Variants in CSGALNACT1 observed in about 807,000 individuals in gnomAD.
The protein encoded by CSGALNACT1 is beta4GalNAcT-1.
In CSGALNACT1, 52 loss-of-function variants were observed where a neutral mutation model predicts 51.0. The ratio of observed to expected loss-of-function variants is 1.02; its 90% confidence interval spans 0.82 to 1.29. The LOEUF (loss-of-function observed/expected upper bound fraction) is 1.29, where lower values mean the gene tolerates loss of function less well. CSGALNACT1 is among the 50% of genes most tolerant of loss of function. The probability of loss-of-function intolerance (pLI) is 0.00; values close to 1 mark genes in which losing one functional copy is unlikely to be tolerated. For missense variants in CSGALNACT1, 935 were observed against 679.2 expected, an observed-to-expected ratio of 1.38 and a Z score of -4.19; for synonymous variants, 341 against 254.4, an observed-to-expected ratio of 1.34 and a Z score of -3.24.
chr8:19,547,916 G>A (rs937045792), intron 3 of CSGALNACT1, among the ~76,000 whole-genome samples: 2 of 152,182 alleles, frequency 1.3e-5, no homozygotes, highest in African/African-American at 2.4e-5. Context: ...TTGCCAGGGG[G>A]TTGGTAGTTA....
intron 3 of CSGALNACT1, among the ~76,000 whole-genome samples, chr8:19,564,862 GCA>G (rs1158837910): frequency 2.6e-5 from 4 of 152,182 alleles, no homozygotes; most frequent in African/African-American, 9.7e-5. Flanking sequence ...GGGTTGTTCA[GCA>G]CAGTTTCTCA....
intron 4 of CSGALNACT1, among the ~76,000 whole-genome samples, chr8:19,493,871 TAC>T (rs57708862): frequency 0.31 from 45,702 of 148,704 alleles, 6,987 homozygotes; most frequent in Non-Finnish European, 0.34. Flanking sequence ...TGTGTGTTTA[TAC>T]ACACACACAC....
At chr8:19,692,483 T>C (rs868179702) in intron 1 of CSGALNACT1, among the ~76,000 whole-genome samples, 74 of 152,246 alleles carry the variant, frequency 4.9e-4, no homozygotes, top group African/African-American at 1.8e-3. Context: ...GGGAGATAGA[T>C]GGTGATGATG....
intron 1 of CSGALNACT1, among the ~76,000 whole-genome samples, chr8:19,631,274 GC>G (rs2055218317): frequency 6.6e-6 from 1 of 151,894 alleles, no homozygotes; most frequent in Non-Finnish European, 1.5e-5. Context: ...AAAAAAAACT[GC>G]CAAACTGTCT....
chr8:19,495,449 T>C (rs2075286917), intron 4 of CSGALNACT1, among the ~76,000 whole-genome samples: 1 of 152,214 alleles, frequency 6.6e-6, no homozygotes, highest in Non-Finnish European at 1.5e-5. Context: ...TAGGGCTGTA[T>C]GCATTGATCC....
chr8:19,719,115 C>T (rs547133821), intron 1 of CSGALNACT1, among the ~76,000 whole-genome samples: 30 of 152,302 alleles, frequency 2.0e-4, no homozygotes, highest in Non-Finnish European at 3.1e-4. Flanking sequence ...CCTGATACCA[C>T]ACATATACAA....
At chr8:19,578,636 A>G (rs554351920) in intron 3 of CSGALNACT1, among the ~76,000 whole-genome samples, 1 of 151,932 alleles carries the variant, frequency 6.6e-6, no homozygotes, top group South Asian at 2.1e-4. Flanking sequence ...GTTAGATACT[A>G]CTCTAAACTG....
chr8:19,447,101 T>C (rs747177417), intron 5 of CSGALNACT1, among the ~76,000 whole-genome samples: 8 of 152,230 alleles, frequency 5.3e-5, no homozygotes, highest in Non-Finnish European at 1.2e-4. Flanking sequence ...AGGGCCGTTG[T>C]TCGTAGCCTT....
chr8:19,636,498 G>C (rs778897427), intron 1 of CSGALNACT1, among the ~76,000 whole-genome samples: 2 of 152,150 alleles, frequency 1.3e-5, no homozygotes, highest in African/African-American at 2.4e-5. Flanking sequence ...TATAATTGGA[G>C]TCACTTCATA....
chr8:19,605,676 T>C (rs2154148419), upstream of CSGALNACT1, among the ~76,000 whole-genome samples: 1 of 152,330 alleles, frequency 6.6e-6, no homozygotes, highest in South Asian at 2.1e-4. Flanking sequence ...GGAAAAATCC[T>C]AGACTTGGTT....
At chr8:19,619,454 T>C (rs1476252162) in intron 1 of CSGALNACT1, among the ~76,000 whole-genome samples, 2 of 151,990 alleles carry the variant, frequency 1.3e-5, no homozygotes, top group Admixed American at 1.3e-4. Flanking sequence ...ATTTGTGACA[T>C]AGTTTTAAAT....
chr8:19,612,342 CA>C (rs11332569), intron 1 of CSGALNACT1, among the ~76,000 whole-genome samples: 26,007 of 136,298 alleles, frequency 0.19, 3,233 homozygotes, highest in African/African-American at 0.39. Flanking sequence ...ATCCCTGTCT[CA>C]AAAAAAAAAA....
chr8:19,607,414 A>G (rs1440120175), upstream of CSGALNACT1, among the ~76,000 whole-genome samples: 1 of 152,224 alleles, frequency 6.6e-6, no homozygotes, highest in Non-Finnish European at 1.5e-5. Flanking sequence ...ATTGGCTGTG[A>G]GACCAATAAC....
At chr8:19,439,857 A>T (rs1563401861) in exon 6 of CSGALNACT1, 1 of 1,613,916 alleles carries the variant, frequency 6.2e-7, no homozygotes, top group East Asian at 2.2e-5. Context: ...TATTCCTTTG[A>T]CTTCATTTAT....
At chr8:19,576,521 G>A (rs1021509215) in intron 3 of CSGALNACT1, among the ~76,000 whole-genome samples, 2 of 151,794 alleles carry the variant, frequency 1.3e-5, no homozygotes, top group Admixed American at 1.3e-4. Context: ...TGAACCTGCT[G>A]CAGTGGTGAT....
rs2059398508 is a variant in CSGALNACT1, at chr8:19,667,027, GGAAGGAAGGAAGGA to G, written c.-544+15432_-544+15445del. Among the ~76,000 whole-genome samples the G allele has an allele frequency of 9.3e-5, 3 of 32,250 alleles. 1 individual carries two copies. Among genetic ancestry groups the G allele is most frequent in the African/African-American group, 7.0e-4 (3 of 4,268 alleles). 21.2% of individuals were successfully genotyped at this position (32,250 alleles called of 152,430 possible). A position where few individuals can be genotyped will look rare whatever the true frequency, so the allele number is the denominator to read the frequency against. ...AGAAAGAAAGAAAGAAAGGAAGGAA[GGAAGGAAGGAAGGA>G]AGAAAGAAAGAAAGAAAGAAAGAAA... On this transcript the variant is annotated intron_variant, in intron 1 of 9. Coordinates refer to the CSGALNACT1 transcript ENST00000332246.
intron 1 of CSGALNACT1, chr8:19,732,627 A>C (rs996521881): frequency 1.3e-5 from 2 of 152,218 alleles, no homozygotes; most frequent in Non-Finnish European, 2.9e-5. Flanking sequence ...AAACAGCATC[A>C]AGGTTTATGA....
At chr8:19,410,968 G>A (rs1239778051) in intron 8 of CSGALNACT1, among the ~76,000 whole-genome samples, 2 of 152,196 alleles carry the variant, frequency 1.3e-5, no homozygotes, top group African/African-American at 2.4e-5. Flanking sequence ...GCACACATCC[G>A]ATTATATCAC....
In CSGALNACT1 at chr8:19,420,328, G is replaced by A. The variant is rs2057714122; in HGVS notation, c.1132+12C>T. 2 of 1,613,886 alleles carry A rather than the reference G, an allele frequency of 1.2e-6. No homozygotes were observed. Among genetic ancestry groups the A allele is most frequent in the East Asian group, 4.5e-5 (2 of 44,886 alleles). On this transcript the variant is annotated intron_variant, in intron 7 of 9. Coordinates refer to ENST00000454498, the Ensembl canonical transcript of CSGALNACT1. ...GGGGGCCACCTGAGCGTGACAGAGA[G>A]ATGATCCATACCTGGCTGTGTATTC...
Sources: allele counts gnomAD v4.1 joint callset (sites outside exome capture counted in the v4.1 genomes callset), GRCh38; gene constraint gnomAD v4.1.1; transcripts MANE v1.5; gene names NCBI Gene and HGNC (gene_info 2026-07-23, HGNC 2026-07-21).